Variants in PCDHA8 observed in about 807,000 individuals in gnomAD.
The protein encoded by PCDHA8 is protocadherin alpha-8.
PCDHA8 carries 53 observed loss-of-function variants against 61.8 expected under a neutral mutation model. That is an observed-to-expected ratio of 0.86 (90% CI 0.69 to 1.08). The LOEUF (loss-of-function observed/expected upper bound fraction) is 1.08, where lower values mean the gene tolerates loss of function less well. PCDHA8 is among the 50% of genes least tolerant of loss of function. The pLI is 0.00. For synonymous variants in PCDHA8, 618 were observed against 556.6 expected, an observed-to-expected ratio of 1.11 and a Z score of -1.55; for missense variants, 1,293 against 1,245.0, an observed-to-expected ratio of 1.04 and a Z score of -0.58.
chr5:140,951,144 T>C (rs1052192456), intron 1 of PCDHA8, among the ~76,000 whole-genome samples: 3 of 100,560 alleles, frequency 3.0e-5, no homozygotes, highest in Non-Finnish European at 6.0e-5. Context: ...CTTTATCTTA[T>C]TGAATATAGT....
chr5:140,921,824 A>G (rs1554200461), intron 1 of PCDHA8, among the ~76,000 whole-genome samples: 1 of 152,172 alleles, frequency 6.6e-6, no homozygotes. Flanking sequence ...GTGAATATCT[A>G]TACACATATA....
At chr5:140,982,030 C>G (rs2096963361) in intron 2 of PCDHA8, among the ~76,000 whole-genome samples, 1 of 152,196 alleles carries the variant, frequency 6.6e-6, no homozygotes, top group South Asian at 2.1e-4. Flanking sequence ...TGGAACAATA[C>G]TCCAATTATC....
intron 3 of PCDHA8, among the ~76,000 whole-genome samples, chr5:140,990,479 G>A (rs1227837227): frequency 3.3e-5 from 5 of 152,184 alleles, no homozygotes; most frequent in Non-Finnish European, 5.9e-5. Context: ...GTATCAAGCT[G>A]AATAGTGAGG....
At chr5:140,875,233 G>C in intron 1 of PCDHA8, 2 of 863,878 alleles carry the variant, frequency 2.3e-6, no homozygotes, top group Non-Finnish European at 3.3e-6. Context: ...GATCTTTCTT[G>C]TACTTACATA....
At chr5:140,853,040 G>C in intron 1 of PCDHA8, 2 of 265,518 alleles carry the variant, frequency 7.5e-6, no homozygotes, top group Non-Finnish European at 1.2e-5. Context: ...CACCATGCCC[G>C]CCTAATTTTT....
intron 1 of PCDHA8, among the ~76,000 whole-genome samples, chr5:140,949,636 T>C (rs1047386786): frequency 1.3e-5 from 2 of 151,898 alleles, no homozygotes; most frequent in Non-Finnish European, 3.0e-5. Context: ...GGCATATTGC[T>C]TTTTGTTCAT....
At chr5:140,920,841 T>TAAAAA (rs781921146) in intron 1 of PCDHA8, among the ~76,000 whole-genome samples, 2 of 109,230 alleles carry the variant, frequency 1.8e-5, no homozygotes, top group Non-Finnish European at 1.9e-5. Flanking sequence ...AGACCAAATC[T>TAAAAA]AAAAAAAAAA....
chr5:140,870,527 C>T, intron 1 of PCDHA8: 1 of 1,614,236 alleles, frequency 6.2e-7, no homozygotes, highest in Non-Finnish European at 8.5e-7. Context: ...CACATCTTCA[C>T]AGTGTCGGCG....
intron 1 of PCDHA8, among the ~76,000 whole-genome samples, chr5:140,941,198 T>TCTTCCTTTCTTC (rs1563184149): frequency 4.2e-5 from 5 of 119,808 alleles, no homozygotes; most frequent in African/African-American, 1.0e-4. Context: ...TTTTTTTCTT[T>TCTTCCTTTCTTC]CTTCCTTTCT....
At chr5:140,910,137 T>A (rs2074898699) in intron 1 of PCDHA8, among the ~76,000 whole-genome samples, 1 of 152,232 alleles carries the variant, frequency 6.6e-6, no homozygotes, top group Non-Finnish European at 1.5e-5. Flanking sequence ...CTGGTTTAAG[T>A]CTGGAAATTG....
At chr5:140,968,210 A>T (rs376166734) in intron 1 of PCDHA8, 4 of 1,613,882 alleles carry the variant, frequency 2.5e-6, no homozygotes, top group Non-Finnish European at 3.4e-6. Flanking sequence ...ACAGGAGAAC[A>T]ATTTGCCAGG....
intron 1 of PCDHA8, among the ~76,000 whole-genome samples, chr5:140,896,658 T>C (rs2065683362): frequency 6.6e-6 from 1 of 152,154 alleles, no homozygotes; most frequent in African/African-American, 2.4e-5. Context: ...ATTACAGGCA[T>C]GAGTCACTGT....
At chr5:140,963,556 T>A (rs891498931) in intron 1 of PCDHA8, among the ~76,000 whole-genome samples, 28 of 152,238 alleles carry the variant, frequency 1.8e-4, no homozygotes, top group Non-Finnish European at 3.4e-4. Context: ...AAAAAGGGGC[T>A]GTTTTCTGGT....
chr5:140,908,431 G>A (rs949756474), intron 1 of PCDHA8, among the ~76,000 whole-genome samples: 4 of 152,152 alleles, frequency 2.6e-5, no homozygotes, highest in Non-Finnish European at 5.9e-5. Context: ...GCTGCTGTGC[G>A]CACCCCACTT....
rs185567567 is a variant in PCDHA8, at chr5:140,888,396, T to C, written c.2394+44681T>C. 3.4e-3 allele frequency among the ~76,000 whole-genome samples: 514 copies of C among 152,282 alleles called. 3 individuals are homozygous for C. The highest frequency in any genetic ancestry group is 0.014 in the Middle Eastern group (4 of 294). On this transcript the variant is annotated intron_variant, in intron 1 of 3. Coordinates refer to ENST00000531613, the MANE Select transcript of PCDHA8 (RefSeq NM_018911.3). The stretch of plus-strand genomic sequence containing the variant: ...AGCTCTGAGATGCTGCTAAACACCA[T>C]CCAATTGCTGCCAAACATCCTACCG...
chr5:140,971,091 T>G (rs1355075556), intron 1 of PCDHA8, among the ~76,000 whole-genome samples: 1 of 152,180 alleles, frequency 6.6e-6, no homozygotes, highest in Non-Finnish European at 1.5e-5. Flanking sequence ...AACAAATTCT[T>G]GTGAAGCCCT....
chr5:140,872,338 A>G (rs970096150), intron 1 of PCDHA8, among the ~76,000 whole-genome samples: 2 of 152,156 alleles, frequency 1.3e-5, no homozygotes, highest in Non-Finnish European at 2.9e-5. Flanking sequence ...AAAATTCTAC[A>G]TGTTCTTGCC....
intron 1 of PCDHA8, among the ~76,000 whole-genome samples, chr5:140,888,497 A>C (rs2061848830): frequency 6.6e-6 from 1 of 152,250 alleles, no homozygotes; most frequent in Non-Finnish European, 1.5e-5. Flanking sequence ...ACTCTGCTTT[A>C]AAGAGTCTTG....
chr5:140,961,071 G>T (rs1344860284), intron 1 of PCDHA8, among the ~76,000 whole-genome samples: 1 of 152,208 alleles, frequency 6.6e-6, no homozygotes, highest in Non-Finnish European at 1.5e-5. Flanking sequence ...GATATCTGGA[G>T]TATCAAGTAA....
Sources: gnomAD v4.1 joint callset for allele counts (sites outside exome capture counted in the v4.1 genomes callset) on GRCh38, gnomAD v4.1.1 for gene constraint, MANE v1.5 for transcripts, NCBI Gene and HGNC (gene_info 2026-07-23, HGNC 2026-07-21) for gene names.